ARGFX: variants seen among roughly 807,000 people sequenced by gnomAD.
The protein encoded by ARGFX is arginine-fifty homeobox.
A neutral mutation model predicts 8.0 loss-of-function variants in ARGFX; 10 were observed. That is an observed-to-expected ratio of 1.25 (90% CI 0.77 to 2.12). The LOEUF (loss-of-function observed/expected upper bound fraction) is 2.12. Ranked by LOEUF, ARGFX falls within the 30% of genes most tolerant of loss-of-function variation. The pLI, the probability that ARGFX is intolerant of heterozygous loss-of-function variation, is 0.00. For synonymous variants in ARGFX, 116 were observed against 117.8 expected, an observed-to-expected ratio of 0.98 and a Z score of 0.10; for missense variants, 282 against 324.3, an observed-to-expected ratio of 0.87 and a Z score of 1.00.
chr3:121,583,111 C>T (rs1364317699), intron 3 of ARGFX, among the ~76,000 whole-genome samples: 1 of 147,612 alleles, frequency 6.8e-6, no homozygotes, highest in Non-Finnish European at 1.5e-5. Context: ...TTCACTGCAA[C>T]CTCCACCTCC....
rs1333676739 is a variant in ARGFX, at chr3:121,586,570, C to T, written c.918C>T (p.Thr306=). 2 of 1,613,832 alleles carry T rather than the reference C, an allele frequency of 1.2e-6. No individual in the cohort carries two copies. The highest frequency in any genetic ancestry group is 1.7e-5 in the Admixed American group (1 of 59,960). Residue 306 remains threonine, a synonymous_variant, in exon 5 of 5, where the codon ACC becomes ACT. Coordinates refer to ENST00000334384, the MANE Select transcript of ARGFX (RefSeq NM_001012659.2). ...CAGATAGCCTGGAATTCCAGAAAAC[C>T]TCCAATATGGTAGACTTGGGATTTC... ...SLTDSLEFQK[T]SNMVDLGFL is the part of the protein sequence containing the mutation.
At chr3:121,579,495 C>A (rs1314413403) in intron 3 of ARGFX, among the ~76,000 whole-genome samples, 1 of 152,292 alleles carries the variant, frequency 6.6e-6, no homozygotes, top group Admixed American at 6.5e-5. Flanking sequence ...GTGATTCCAG[C>A]GTGTCCTTGA....
At chr3:121,578,597 T>A (rs977247282) in intron 3 of ARGFX, among the ~76,000 whole-genome samples, 6 of 151,936 alleles carry the variant, frequency 3.9e-5, no homozygotes, top group Admixed American at 2.6e-4. Context: ...AATTAAAAAA[T>A]TTTAAAAAAG....
chr3:121,585,122 G>A, intron 4 of ARGFX, 57 bp downstream of exon 4: 2 of 1,581,332 alleles, frequency 1.3e-6, no homozygotes, highest in Non-Finnish European at 1.7e-6. Flanking sequence ...CACCTATCCA[G>A]CCTGGAAATT....
rs557731508 is a variant in ARGFX at position 121,582,128 on chromosome 3, A to G, written c.221-2789A>G. On this transcript the variant is annotated intron_variant, in intron 3 of 4. Transcript: ENST00000334384. ...AACAATTTACAGTTTGTAAATTGTT[A>G]TTTTTAAACAATTTACAGTAAGTAG... Among the ~76,000 whole-genome samples, 4 of 152,244 alleles carry G rather than the reference A, an allele frequency of 2.6e-5. No homozygotes were observed. The South Asian group carries it at 8.3e-4, about 32-fold the overall frequency.
At chr3:121,571,553 ATAT>A (rs139923317) in intron 2 of ARGFX, among the ~76,000 whole-genome samples, 117 of 148,246 alleles carry the variant, frequency 7.9e-4, no homozygotes, top group Non-Finnish European at 1.5e-3. Flanking sequence ...GGAAGGCTTA[ATAT>A]TATTATTATT....
intron 3 of ARGFX, among the ~76,000 whole-genome samples, chr3:121,579,382 G>A (rs1042423922): frequency 6.6e-6 from 1 of 152,094 alleles, no homozygotes; most frequent in Non-Finnish European, 1.5e-5. Flanking sequence ...TTTAGCCAAG[G>A]CTGACTGAAA....
chr3:121,574,364 T>G (rs1031080228), intron 2 of ARGFX, among the ~76,000 whole-genome samples: 4 of 152,142 alleles, frequency 2.6e-5, no homozygotes, highest in Non-Finnish European at 4.4e-5. Context: ...TATTATTACA[T>G]TGTAATATAT....
intron 1 of ARGFX, among the ~76,000 whole-genome samples, chr3:121,568,375 T>C (rs1262870183): frequency 3.3e-5 from 5 of 152,252 alleles, no homozygotes; most frequent in African/African-American, 1.2e-4. Context: ...CACAGACCTA[T>C]GTAAGTGCCC....
intron 1 of ARGFX, among the ~76,000 whole-genome samples, chr3:121,568,429 T>C (rs1444535564): frequency 6.6e-6 from 1 of 152,252 alleles, no homozygotes; most frequent in Non-Finnish European, 1.5e-5. Context: ...GTAAATGTGG[T>C]TCTGCTAGTG....
rs1389634761 is a variant in ARGFX at position 121,590,318 on chromosome 3, G to C, written c.*3718G>C. 1.3e-5 allele frequency among the ~76,000 whole-genome samples: 2 copies of C among 152,222 alleles called. No individual in the cohort carries two copies. Among genetic ancestry groups the C allele is most frequent in the South Asian group, 4.1e-4 (2 of 4,828 alleles). ...CCAAAGCAACAGCTTTGAGAGGTGA[G>C]ACCTTTAAGGGTTACTAGGCAGAGC... On this transcript the variant is annotated 3_prime_UTR_variant, in exon 5 of 5. Transcript: ENST00000334384.
intron 1 of ARGFX, among the ~76,000 whole-genome samples, chr3:121,569,002 C>G (rs1258005355): frequency 6.6e-6 from 1 of 152,096 alleles, no homozygotes; most frequent in Admixed American, 6.6e-5. Context: ...TTACCATATT[C>G]AAAGTGAAAA....
At chr3:121,579,945 C>CTTTTTTTTT (rs1174620508) in intron 3 of ARGFX, among the ~76,000 whole-genome samples, 63 of 91,548 alleles carry the variant, frequency 6.9e-4, no homozygotes, top group African/African-American at 9.3e-4. Flanking sequence ...CTTTTCTTTT[C>CTTTTTTTTT]TTTTTTTTTT....
At chr3:121,573,556 G>A (rs989738668) in intron 2 of ARGFX, among the ~76,000 whole-genome samples, 4 of 151,028 alleles carry the variant, frequency 2.6e-5, no homozygotes, top group Admixed American at 2.0e-4. Flanking sequence ...TCTAATAAGG[G>A]GTTAATAGCT....
Position 121,590,240 on chromosome 3 carries a change from C to T in ARGFX, c.*3640C>T, listed in dbSNP as rs1298869571. Among the ~76,000 whole-genome samples the T allele has an allele frequency of 1.3e-5, 2 of 152,180 alleles. No individual in the cohort carries two copies. The highest frequency in any genetic ancestry group is 2.9e-5 in the Non-Finnish European group (2 of 68,030). On this transcript the variant is annotated 3_prime_UTR_variant, in exon 5 of 5. Transcript: ENST00000334384. ...CAAGAAATAGATGTTGTGAATAGAG[C>T]TTGCTATGGTATGAATGTGTCCCCC... is the stretch of plus-strand genomic sequence containing the variant.
rs1376214881 is a variant in ARGFX at position 121,586,677 on chromosome 3, T to A, written c.*77T>A. 2 of 1,271,946 alleles carry A rather than the reference T, an allele frequency of 1.6e-6. No individual in the cohort carries two copies. The highest frequency in any genetic ancestry group is 3.0e-5 in the African/African-American group (2 of 66,888). The allele number at this position is 1,271,946 out of a possible 1,614,324, so 78.8% of individuals were successfully genotyped here. ...TGTACATGACTGTTTTTTTCCTTTG[T>A]CTCATTTTAACCCAACATCTGGGTC... On this transcript the variant is annotated 3_prime_UTR_variant, in exon 5 of 5. Coordinates refer to ENST00000334384, the MANE Select transcript of ARGFX (RefSeq NM_001012659.2).
In ARGFX at chr3:121,583,295, G is replaced by A. The variant is rs1409009467; in HGVS notation, c.221-1622G>A. ...TTCACCTGCCTCAGCCTCCCAAAGT[G>A]CTGGGATTACAGGTGTGAGTCACCA... On this transcript the variant is annotated intron_variant, in intron 3 of 4. Coordinates refer to ENST00000334384, the MANE Select transcript of ARGFX (RefSeq NM_001012659.2). Among the ~76,000 whole-genome samples the A allele has an allele frequency of 2.0e-5, 3 of 151,932 alleles. No homozygotes were observed. In the East Asian group the frequency reaches 5.8e-4, roughly 29 times the overall value.
At chr3:121,570,870 C>A (rs1425802179) in intron 2 of ARGFX, 54 bp downstream of exon 2, 2 of 1,238,122 alleles carry the variant, frequency 1.6e-6, no homozygotes, top group East Asian at 2.7e-5. Context: ...CATTCTCATG[C>A]AGCCCTACAA....
intron 2 of ARGFX, among the ~76,000 whole-genome samples, chr3:121,571,367 C>G (rs992715156): frequency 6.6e-6 from 1 of 151,874 alleles, no homozygotes; most frequent in Non-Finnish European, 1.5e-5. Flanking sequence ...TTTCTATACA[C>G]TAATAAGCAA....
Sources: gnomAD v4.1 joint callset for allele counts (sites outside exome capture counted in the v4.1 genomes callset) on GRCh38, gnomAD v4.1.1 for gene constraint, MANE v1.5 for transcripts, NCBI Gene and HGNC (gene_info 2026-07-23, HGNC 2026-07-21) for gene names.